The following ELOVL6 variants were observed in gnomAD, a reference collection of about 807,000 sequenced individuals.
The protein encoded by ELOVL6 is very long chain fatty acid elongase 6.
ELOVL6 carries 8 observed loss-of-function variants against 31.7 expected under a neutral mutation model. The ratio of observed to expected loss-of-function variants is 0.25; its 90% CI spans 0.15 to 0.45. ELOVL6 has a LOEUF of 0.45. Among genes scored for constraint, ELOVL6 ranks in the 20% least tolerant of loss-of-function variants. The probability of loss-of-function intolerance (pLI) is 1.00; values close to 1 mark genes in which losing one functional copy is unlikely to be tolerated. For synonymous variants in ELOVL6, 101 were observed against 117.7 expected (o/e 0.86, Z 0.92); for missense variants, 126 against 326.4 (o/e 0.39, Z 4.73).
At chr4:110,084,075 G>GATATATATGATATATAA (rs1243873061) in intron 2 of ELOVL6, among the ~76,000 whole-genome samples, 1 of 54,856 alleles carries the variant, frequency 1.8e-5, no homozygotes, top group South Asian at 6.1e-4. Context: ...ACATATATAT[G>GATATATATGATATATAA]CTATATATGA....
At position 110,084,073 on chromosome 4, in the gene ELOVL6, A is replaced by G. The variant is rs867067477; in HGVS notation, c.221+21424T>C. Among the ~76,000 whole-genome samples the G allele has an allele frequency of 5.3e-3, 419 of 79,356 alleles. 62 individuals are homozygous for G. The highest frequency in any genetic ancestry group is 0.015 in the South Asian group (33 of 2,232). The allele number at this position is 79,356 out of a possible 152,430, so 52.1% of individuals were successfully genotyped here. A position where few individuals can be genotyped will look rare whatever the true frequency, so the allele number is the denominator to read the frequency against. ...GCTATATATGATATATAACATATAT[A>G]TGCTATATATGATATATAACATATA... is the stretch of plus-strand genomic sequence containing the variant. On this transcript the variant is annotated intron_variant, in intron 2 of 3. Transcript: ENST00000302274.
In ELOVL6 at chr4:110,084,045, C is replaced by CATAGAT. The variant is rs1560813714; in HGVS notation, c.221+21451_221+21452insATCTAT. ...CATATGCCATATATGGTATATAACA[C>CATAGAT]ATGCTATATATGATATATAACATAT... On this transcript the variant is annotated intron_variant, in intron 2 of 3. Coordinates refer to ENST00000302274, the MANE Select transcript of ELOVL6 (RefSeq NM_024090.3). Among the ~76,000 whole-genome samples, 2 of 24,804 alleles carry CATAGAT rather than the reference C, an allele frequency of 8.1e-5. 1 individual carries two copies. Among genetic ancestry groups the CATAGAT allele is most frequent in the African/African-American group, 2.1e-4 (2 of 9,386 alleles). The allele number at this position is 24,804 out of a possible 152,430, so 16.3% of individuals were successfully genotyped here. A position where few individuals can be genotyped will look rare whatever the true frequency, so the allele number is the denominator to read the frequency against.
chr4:110,157,813 C>T (rs531425877), intron 1 of ELOVL6, among the ~76,000 whole-genome samples: 2 of 152,290 alleles, frequency 1.3e-5, no homozygotes, highest in East Asian at 3.9e-4. Context: ...GGGAACTACA[C>T]ATGTTGAAAT....
At chr4:110,105,666 G>T in intron 1 of ELOVL6, 38 bp from the exon 2 acceptor site, 1 of 1,594,464 alleles carries the variant, frequency 6.3e-7, no homozygotes, top group East Asian at 2.3e-5. Context: ...GATATTTTTA[G>T]TCATTAGGAA....
intron 2 of ELOVL6, 137 bp from the exon 3 acceptor site, chr4:110,059,891 A>G (rs560112590): frequency 2.7e-6 from 2 of 741,728 alleles, no homozygotes; most frequent in East Asian, 2.7e-5. Flanking sequence ...CCTTGAAAGC[A>G]TCTTAAAATG....
At chr4:110,158,655 ATATT>A (rs1255197313) in intron 1 of ELOVL6, among the ~76,000 whole-genome samples, 5 of 76,200 alleles carry the variant, frequency 6.6e-5, no homozygotes, top group South Asian at 4.0e-4. Flanking sequence ...ATATATATAT[ATATT>A]TTTTTTTTTT....
chr4:110,153,690 C>T (rs1249362713), intron 1 of ELOVL6, among the ~76,000 whole-genome samples: 2 of 152,188 alleles, frequency 1.3e-5, no homozygotes, highest in Non-Finnish European at 2.9e-5. Flanking sequence ...AAACCTTATG[C>T]TCCAACATAT....
At chr4:110,128,771 C>T (rs1485585895) in intron 1 of ELOVL6, among the ~76,000 whole-genome samples, 2 of 152,178 alleles carry the variant, frequency 1.3e-5, no homozygotes, top group African/African-American at 2.4e-5. Context: ...TAAAATTATG[C>T]TCCTCCCACC....
chr4:110,084,180 AT>A (rs1756064536), intron 2 of ELOVL6, among the ~76,000 whole-genome samples: 1 of 113,608 alleles, frequency 8.8e-6, no homozygotes, highest in Admixed American at 1.1e-4. Flanking sequence ...TATATGATAT[AT>A]ATAACATATA....
rs1560805821 is a variant in ELOVL6, at chr4:110,070,580, T to G, written c.222-10826A>C. Among the ~76,000 whole-genome samples, 2 of 152,182 alleles carry G rather than the reference T, an allele frequency of 1.3e-5. 1 individual carries two copies. Among genetic ancestry groups the G allele is most frequent in the South Asian group, 4.1e-4 (2 of 4,826 alleles). ...CGTTCTCATGAGGAAACCAAACATT[T>G]TTCCTGGGGGAAAAAATCTCACGTT... is the stretch of plus-strand genomic sequence containing the variant. On this transcript the variant is annotated intron_variant, in intron 2 of 3. Coordinates refer to ENST00000302274, the MANE Select transcript of ELOVL6 (RefSeq NM_024090.3).
intron 1 of ELOVL6, among the ~76,000 whole-genome samples, chr4:110,179,353 A>C (rs1386270048): frequency 6.6e-6 from 1 of 152,146 alleles, no homozygotes; most frequent in Non-Finnish European, 1.5e-5. Flanking sequence ...AAAAATACAA[A>C]AAATTAGCTG....
At chr4:110,137,030 G>A (rs913288298) in intron 1 of ELOVL6, among the ~76,000 whole-genome samples, 2 of 152,066 alleles carry the variant, frequency 1.3e-5, no homozygotes, top group African/African-American at 2.4e-5. Context: ...ATATATCAAA[G>A]CTTGGCAGGA....
intron 1 of ELOVL6, among the ~76,000 whole-genome samples, chr4:110,124,920 G>A (rs1417553043): frequency 6.6e-6 from 1 of 152,028 alleles, no homozygotes; most frequent in Non-Finnish European, 1.5e-5. Flanking sequence ...TTCTGACAAG[G>A]ACAAAAAATA....
At chr4:110,083,728 C>T (rs887803177) in intron 2 of ELOVL6, among the ~76,000 whole-genome samples, 5 of 150,670 alleles carry the variant, frequency 3.3e-5, no homozygotes, top group Non-Finnish European at 7.4e-5. Flanking sequence ...AGTAGTCAGG[C>T]ACTTAAAAAT....
chr4:110,086,316 A>T (rs1474825153), intron 2 of ELOVL6, among the ~76,000 whole-genome samples: 1 of 152,162 alleles, frequency 6.6e-6, no homozygotes, highest in Non-Finnish European at 1.5e-5. Flanking sequence ...CAAAATAGGG[A>T]TGTGGTTGCA....
intron 1 of ELOVL6, among the ~76,000 whole-genome samples, chr4:110,143,808 C>T (rs978287896): frequency 6.6e-6 from 1 of 152,268 alleles, no homozygotes; most frequent in Non-Finnish European, 1.5e-5. Context: ...GTAATCCCAG[C>T]ACTTTGGGAG....
chr4:110,147,746 G>C (rs1326830987), intron 1 of ELOVL6, among the ~76,000 whole-genome samples: 2 of 151,734 alleles, frequency 1.3e-5, no homozygotes, highest in African/African-American at 4.8e-5. Context: ...AGCAGTGACT[G>C]AGCCACTGCA....
intron 2 of ELOVL6, among the ~76,000 whole-genome samples, chr4:110,098,126 A>G (rs1450651017): frequency 6.6e-6 from 1 of 152,228 alleles, no homozygotes; most frequent in African/African-American, 2.4e-5. Flanking sequence ...AGAGTTGAAC[A>G]CGGACAGAAA....
chr4:110,125,484 T>C (rs527476771), intron 1 of ELOVL6, among the ~76,000 whole-genome samples: 46 of 152,098 alleles, frequency 3.0e-4, no homozygotes, highest in Non-Finnish European at 3.1e-4. Flanking sequence ...TTTAATTTTC[T>C]TTATAAATTA....
Sources: allele counts gnomAD v4.1 joint callset (sites outside exome capture counted in the v4.1 genomes callset), GRCh38; gene constraint gnomAD v4.1.1; transcripts MANE v1.5; gene names NCBI Gene and HGNC (gene_info 2026-07-23, HGNC 2026-07-21).